The following ARHGAP17 variants were observed in gnomAD, a reference collection of about 807,000 sequenced individuals.
The protein encoded by ARHGAP17 is rho GTPase-activating protein 17.
A neutral mutation model predicts 99.5 loss-of-function variants in ARHGAP17; 57 were observed. That is an observed-to-expected ratio of 0.57 (90% CI 0.46 to 0.71). ARHGAP17 has a LOEUF of 0.71. Among genes scored for constraint, ARHGAP17 ranks in the 30% least tolerant of loss-of-function variants. The pLI, the probability that ARHGAP17 is intolerant of heterozygous loss-of-function variation, is 0.00. For synonymous variants in ARHGAP17, 417 were observed against 429.6 expected (o/e 0.97, Z 0.36); for missense variants, 1,000 against 1,122.4 (o/e 0.89, Z 1.56).
intron 19 of ARHGAP17, among the ~76,000 whole-genome samples, chr16:24,928,961 T>C (rs2050910712): frequency 6.6e-6 from 1 of 152,136 alleles, no homozygotes; most frequent in South Asian, 2.1e-4. Context: ...AGAAGCTCCA[T>C]GCAGTTAACT....
intron 1 of ARHGAP17, among the ~76,000 whole-genome samples, chr16:25,013,525 G>A (rs559190944): frequency 2.6e-4 from 40 of 152,194 alleles, no homozygotes; most frequent in African/African-American, 9.4e-4. Flanking sequence ...GGTGGCTGAG[G>A]CGAGAGGGTC....
Position 24,947,601 on chromosome 16 carries a change from G to T in ARHGAP17, c.1128-6C>A, listed in dbSNP as rs983452415. On this transcript the variant is annotated splice_region_variant and splice_polypyrimidine_tract_variant and intron_variant, in intron 13 of 19. Coordinates refer to ENST00000289968, the MANE Select transcript of ARHGAP17 (RefSeq NM_001006634.3). ...CAAGGAACTTGATCAAATATCTAGG[G>T]GTCAAAAGAGAAGGGGAGGGTTTCT... 4 of 1,604,732 alleles carry T rather than the reference G, an allele frequency of 2.5e-6. No individual in the cohort carries two copies. Among genetic ancestry groups the T allele is most frequent in the Admixed American group, 1.7e-5 (1 of 59,966 alleles).
At chr16:24,929,535 A>G in intron 19 of ARHGAP17, 1 of 952,456 alleles carries the variant, frequency 1.0e-6, no homozygotes, top group Non-Finnish European at 1.3e-6. Context: ...AAAAGCACAT[A>G]TGCAAAACAC....
chr16:25,008,764 G>T (rs2053570392), intron 1 of ARHGAP17, among the ~76,000 whole-genome samples: 1 of 152,122 alleles, frequency 6.6e-6, no homozygotes, highest in Non-Finnish European at 1.5e-5. Flanking sequence ...GATGCTAAAT[G>T]AACATATCCT....
At chr16:24,947,669 C>T in intron 13 of ARHGAP17, 74 bp from the exon 14 acceptor site, 1 of 1,308,554 alleles carries the variant, frequency 7.6e-7, no homozygotes, top group Non-Finnish European at 1.1e-6. Flanking sequence ...TGCCTGGGTG[C>T]ACAATCCCAG....
In ARHGAP17 at chr16:24,980,824, C is replaced by T. The variant is rs566070622; in HGVS notation, c.54-1819G>A. ...TGCCTTTCTTCCCTAGCCAAAACCC[C>T]CAAATCTGGACAGGGCCCTGTATAC... On this transcript the variant is annotated intron_variant, in intron 1 of 19. Coordinates refer to ENST00000289968, the MANE Select transcript of ARHGAP17 (RefSeq NM_001006634.3). Among the ~76,000 whole-genome samples, 8 of 152,270 alleles carry T rather than the reference C, an allele frequency of 5.3e-5. No homozygotes were observed. The South Asian group carries it at 1.5e-3, about 28-fold the overall frequency.
At chr16:24,927,693 T>A in intron 19 of ARHGAP17, 1 of 1,218,366 alleles carries the variant, frequency 8.2e-7, no homozygotes, top group Non-Finnish European at 1.1e-6. Flanking sequence ...CCATTAAATA[T>A]TCCAATCTCA....
intron 1 of ARHGAP17, among the ~76,000 whole-genome samples, chr16:24,982,115 T>C (rs11864339): frequency 0.094 from 14,297 of 151,432 alleles, 764 homozygotes; most frequent in Middle Eastern, 0.2. Context: ...TTTAAATCAA[T>C]TTTAGAGGTT....
Position 24,954,852 on chromosome 16 carries a change from A to C in ARHGAP17, c.725-122T>G, listed in dbSNP as rs1167395113. On this transcript the variant is annotated intron_variant, in intron 9 of 19. Coordinates refer to ENST00000289968, the MANE Select transcript of ARHGAP17 (RefSeq NM_001006634.3). ...GGTAGGTGAGGCTGTGCAAGAGGGG[A>C]TACATCTGTTCTATTTGCTTTTGTT... The C allele has an allele frequency of 3.7e-6, 5 of 1,345,564 alleles. No individual in the cohort carries two copies. In the East Asian group the frequency reaches 9.4e-5, roughly 25 times the overall value. The allele number at this position is 1,345,564 out of a possible 1,614,324, so 83.4% of individuals were successfully genotyped here.
intron 9 of ARHGAP17, chr16:24,956,795 A>C (rs2051822228): frequency 6.6e-6 from 1 of 152,230 alleles, no homozygotes; most frequent in African/African-American, 2.4e-5. Flanking sequence ...AACTTTTAAC[A>C]ATTTTTAATG....
In ARHGAP17 at chr16:24,935,348, T is replaced by A. The variant is rs912872645; in HGVS notation, c.1894+122A>T. ...TCTCTTGAATGACTGAATTTTCTGC[T>A]TGGGATTTTACAACAGACATAGAAA... is the stretch of plus-strand genomic sequence containing the variant. On this transcript the variant is annotated intron_variant, in intron 18 of 19. Coordinates refer to ENST00000289968, the MANE Select transcript of ARHGAP17 (RefSeq NM_001006634.3). 3.3e-6 allele frequency: 4 copies of A among 1,205,580 alleles called. No homozygotes were observed. In the African/African-American group the frequency reaches 4.6e-5, roughly 14 times the overall value. The allele number at this position is 1,205,580 out of a possible 1,614,324, so 74.7% of individuals were successfully genotyped here. A position where few individuals can be genotyped will look rare whatever the true frequency, so the allele number is the denominator to read the frequency against.
At position 24,971,838 on chromosome 16, in the gene ARHGAP17, G is replaced by A. The variant is rs145511741; in HGVS notation, c.199-1258C>T. ...GTCAAGGAACCCAAAGCCGAAGGAG[G>A]TCAAGTGGCCTGGCCAGGCATCCCA... is the stretch of plus-strand genomic sequence containing the variant. On this transcript the variant is annotated intron_variant, in intron 3 of 19. Coordinates refer to ENST00000289968, the MANE Select transcript of ARHGAP17 (RefSeq NM_001006634.3). Among the ~76,000 whole-genome samples the A allele has an allele frequency of 2.2e-3, 335 of 152,280 alleles. 3 individuals carry two copies. The highest frequency in any genetic ancestry group is 7.8e-3 in the African/African-American group (323 of 41,548).
chr16:24,978,576 T>C (rs921478469), intron 2 of ARHGAP17, among the ~76,000 whole-genome samples: 5 of 152,164 alleles, frequency 3.3e-5, no homozygotes, highest in African/African-American at 1.2e-4. Context: ...AGATCACTAA[T>C]ATCTAGCACT....
At chr16:24,978,692 G>C (rs2052586863) in intron 2 of ARHGAP17, among the ~76,000 whole-genome samples, 1 of 152,074 alleles carries the variant, frequency 6.6e-6, no homozygotes, top group Non-Finnish European at 1.5e-5. Context: ...TAGAGAAGTG[G>C]AAACTGAGGC....
chr16:24,978,518 C>T (rs181437134), intron 2 of ARHGAP17, among the ~76,000 whole-genome samples: 1 of 152,158 alleles, frequency 6.6e-6, no homozygotes, highest in African/African-American at 2.4e-5. Flanking sequence ...GGATGTTTCA[C>T]GTCAGAAACA....
chr16:24,971,767 C>T lies in ARHGAP17; in HGVS notation c.199-1187G>A, dbSNP rs975314195. On this transcript the variant is annotated intron_variant, in intron 3 of 19. Coordinates refer to ENST00000289968, the MANE Select transcript of ARHGAP17 (RefSeq NM_001006634.3). Reference sequence around the variant, plus strand: ...TTCCTATCAGAGATTTGTTTTCCAGCTGGCAATGACCACAGAATCACCTGA... The same window carrying T: ...TTCCTATCAGAGATTTGTTTTCCAGTTGGCAATGACCACAGAATCACCTGA... Among the ~76,000 whole-genome samples, 3 of 152,232 alleles carry T rather than the reference C, an allele frequency of 2.0e-5. No individual in the cohort carries two copies. In the South Asian group the frequency reaches 6.2e-4, roughly 31 times the overall value.
At chr16:24,977,406 A>G in intron 2 of ARHGAP17, 87 bp from the exon 3 acceptor site, 1 of 1,096,680 alleles carries the variant, frequency 9.1e-7, no homozygotes, top group Non-Finnish European at 1.3e-6. Flanking sequence ...GGCTGAATCT[A>G]CATGCAGGGA....
intron 1 of ARHGAP17, among the ~76,000 whole-genome samples, chr16:24,999,622 T>C (rs2053303585): frequency 6.6e-6 from 1 of 152,078 alleles, no homozygotes; most frequent in Non-Finnish European, 1.5e-5. Flanking sequence ...GGCCTCACTA[T>C]GTTAATCAGG....
intron 12 of ARHGAP17, 24 bp from the exon 13 acceptor site, chr16:24,949,508 C>T: frequency 1.3e-6 from 2 of 1,597,194 alleles, no homozygotes; most frequent in Non-Finnish European, 1.7e-6. Flanking sequence ...CTTTTAAGTA[C>T]AACAACTTAT....
Sources: allele counts gnomAD v4.1 joint callset (sites outside exome capture counted in the v4.1 genomes callset), GRCh38; gene constraint gnomAD v4.1.1; transcripts MANE v1.5; gene names NCBI Gene and HGNC (gene_info 2026-07-23, HGNC 2026-07-21).